Variants in CORO2A observed in about 807,000 individuals in gnomAD.
CORO2A encodes the protein coronin 2A.
Under a neutral mutation model 62.4 loss-of-function variants are expected in CORO2A, and 47 were observed. The observed-to-expected ratio is 0.75, with a 90% CI of 0.60 to 0.96. CORO2A has a LOEUF of 0.96. CORO2A is among the 40% of genes least tolerant of loss of function. CORO2A has a pLI of 0.00. For synonymous variants in CORO2A, 273 were observed against 268.9 expected (o/e 1.02, Z -0.15); for missense variants, 610 against 684.1 (o/e 0.89, Z 1.21).
intron 1 of CORO2A, among the ~76,000 whole-genome samples, chr9:98,158,006 C>T (rs1827830889): frequency 6.6e-6 from 1 of 152,172 alleles, no homozygotes. Flanking sequence ...AGCCCAGTAC[C>T]CTCAGCCCGA....
intron 2 of CORO2A, among the ~76,000 whole-genome samples, chr9:98,141,601 G>A (rs750057758): frequency 2.6e-5 from 4 of 152,070 alleles, no homozygotes; most frequent in Admixed American, 2.6e-4. Flanking sequence ...TGATCTGCCC[G>A]CCTTGGCCTT....
intron 2 of CORO2A, among the ~76,000 whole-genome samples, chr9:98,153,519 G>A (rs2118864711): frequency 6.6e-6 from 1 of 151,670 alleles, no homozygotes; most frequent in African/African-American, 2.4e-5. Flanking sequence ...CAATTCTCCT[G>A]CTTCAGCCTC....
intron 5 of CORO2A, 107 bp downstream of exon 5, chr9:98,132,916 TGCCTGTGAAGGCGCA>T: frequency 9.0e-7 from 1 of 1,112,026 alleles, no homozygotes; most frequent in Non-Finnish European, 1.3e-6. Flanking sequence ...ACAGGGATGC[TGCCTGTGAAGGCGCA>T]GCCCAGACGC....
At chr9:98,143,092 C>G (rs534011067) in intron 2 of CORO2A, among the ~76,000 whole-genome samples, 3 of 152,294 alleles carry the variant, frequency 2.0e-5, no homozygotes, top group Admixed American at 6.5e-5. Flanking sequence ...TGTACAAGCT[C>G]TAAATCAGGG....
intron 1 of CORO2A, among the ~76,000 whole-genome samples, chr9:98,164,334 A>G (rs1032221439): frequency 2.0e-5 from 3 of 152,224 alleles, no homozygotes; most frequent in African/African-American, 4.8e-5. Flanking sequence ...CTGACCCACT[A>G]TTATCCATCA....
intron 11 of CORO2A, among the ~76,000 whole-genome samples, chr9:98,125,926 C>G (rs890969136): frequency 1.3e-5 from 2 of 151,870 alleles, no homozygotes; most frequent in African/African-American, 2.4e-5. Context: ...CCATGTTGGC[C>G]AGGCTGGTCT....
intron 2 of CORO2A, among the ~76,000 whole-genome samples, chr9:98,151,731 C>A (rs866644452): frequency 6.6e-6 from 1 of 151,780 alleles, no homozygotes; most frequent in Non-Finnish European, 1.5e-5. Flanking sequence ...GGCGCCATCT[C>A]GGCTCACTGC....
At chr9:98,153,015 G>A (rs1368199554) in intron 2 of CORO2A, among the ~76,000 whole-genome samples, 2 of 152,186 alleles carry the variant, frequency 1.3e-5, no homozygotes, top group Non-Finnish European at 1.5e-5. Context: ...CTAGGATGTG[G>A]TTATATAAGA....
rs1409540810 is a variant in CORO2A at position 98,180,094 on chromosome 9, A to ACGTCAGTG, written c.-1+12457_-1+12464dup. ...CATAATGTGCCTGCAATTCTAAACA[A>ACGTCAGTG]CGTCAGTGCGTCAGTGCTAAAACGC... On this transcript the variant is annotated intron_variant, in intron 1 of 11. Transcript: ENST00000375077. Among the ~76,000 whole-genome samples the ACGTCAGTG allele has an allele frequency of 5.9e-5, 9 of 152,228 alleles. No homozygotes were observed. In the South Asian group the frequency reaches 1.5e-3, roughly 25 times the overall value.
chr9:98,188,095 G>A (rs574980357), intron 1 of CORO2A, among the ~76,000 whole-genome samples: 15 of 152,214 alleles, frequency 9.9e-5, no homozygotes, highest in Admixed American at 7.2e-4. Context: ...GTCCCAGCTC[G>A]TGCTTCTCTG....
intron 1 of CORO2A, among the ~76,000 whole-genome samples, chr9:98,178,691 G>A (rs1318018438): frequency 6.6e-6 from 1 of 152,186 alleles, no homozygotes; most frequent in Non-Finnish European, 1.5e-5. Context: ...CACCCCAGCT[G>A]GCGAGTGTGT....
At chr9:98,171,232 C>T (rs538322475) in intron 1 of CORO2A, among the ~76,000 whole-genome samples, 7 of 152,296 alleles carry the variant, frequency 4.6e-5, no homozygotes, top group African/African-American at 1.4e-4. Context: ...AGAGGAAGCG[C>T]GCCTTGCTTA....
intron 10 of CORO2A, among the ~76,000 whole-genome samples, chr9:98,127,596 G>A (rs1266281545): frequency 6.6e-6 from 1 of 152,148 alleles, no homozygotes; most frequent in Admixed American, 6.5e-5. Flanking sequence ...TGGATCACTT[G>A]AGGTCAAGAG....
intron 7 of CORO2A, 40 bp downstream of exon 7, chr9:98,130,914 CA>C: frequency 6.5e-7 from 1 of 1,538,560 alleles, no homozygotes; most frequent in Non-Finnish European, 8.9e-7. Flanking sequence ...GCCGCTGTCT[CA>C]GGGGTCCAGG....
chr9:98,173,514 T>G (rs1050859845), intron 1 of CORO2A, among the ~76,000 whole-genome samples: 1 of 151,886 alleles, frequency 6.6e-6, no homozygotes. Context: ...CGGTGGCCAC[T>G]GCGGCTCTGC....
intron 1 of CORO2A, chr9:98,172,935 G>A (rs1324104267): frequency 6.6e-6 from 1 of 152,312 alleles, no homozygotes; most frequent in Non-Finnish European, 1.5e-5. Context: ...GAGGACAGGT[G>A]ACAGCATCAC....
At chr9:98,157,278 T>C in intron 2 of CORO2A, 182 bp downstream of exon 2, 1 of 599,716 alleles carries the variant, frequency 1.7e-6, no homozygotes, top group East Asian at 2.9e-5. Context: ...GAGGCTAAAA[T>C]TCAGGACAGG....
intron 2 of CORO2A, among the ~76,000 whole-genome samples, chr9:98,155,535 C>T (rs762739578): frequency 6.6e-5 from 10 of 151,650 alleles, no homozygotes; most frequent in Non-Finnish European, 1.0e-4. Flanking sequence ...TTAGTAGAGA[C>T]GGGGTTTCAC....
At position 98,123,171 on chromosome 9, in the gene CORO2A, C is replaced by G. The variant is rs1362460316; in HGVS notation, c.*1603G>C. ...GCTGGGGCACAGCTGAGGCCAGAAG[C>G]AACAGATTTCTACTCTTTGGGCTGA... On this transcript the variant is annotated 3_prime_UTR_variant, in exon 12 of 12. Coordinates refer to ENST00000375077, the MANE Select transcript of CORO2A (RefSeq NM_052820.4). The G allele has an allele frequency of 6.6e-6, 1 of 152,172 alleles. No homozygotes were observed. The highest frequency in any genetic ancestry group is 2.4e-5 in the African/African-American group (1 of 41,408). The allele number at this position is 152,172 out of a possible 1,614,324, so 9.4% of individuals were successfully genotyped here. A position where few individuals can be genotyped will look rare whatever the true frequency, so the allele number is the denominator to read the frequency against.
Sources: gnomAD v4.1 joint callset for allele counts (sites outside exome capture counted in the v4.1 genomes callset) on GRCh38, gnomAD v4.1.1 for gene constraint, MANE v1.5 for transcripts, NCBI Gene and HGNC (gene_info 2026-07-23, HGNC 2026-07-21) for gene names.